Variants in EEA1 observed in about 807,000 individuals in gnomAD.
EEA1 encodes the protein early endosome antigen 1, also known as early endosome antigen 1, 162kD.
A neutral mutation model predicts 209.2 loss-of-function variants in EEA1; 111 were observed. The observed-to-expected ratio is 0.53, with a 90% CI of 0.45 to 0.62. EEA1 has a LOEUF of 0.62. Ranked by LOEUF, EEA1 falls within the 20% of genes least tolerant of loss-of-function variation. The pLI is 0.00. For missense variants in EEA1, 1,343 were observed against 1,530.8 expected (o/e 0.88, Z 2.05); for synonymous variants, 536 against 540.6 (o/e 0.99, Z 0.12).
chr12:92,902,207 A>G (rs892273735), intron 1 of EEA1, among the ~76,000 whole-genome samples: 8 of 152,172 alleles, frequency 5.3e-5, no homozygotes, highest in Admixed American at 3.9e-4. Flanking sequence ...AAAAAAAAGA[A>G]TTTCAAATAT....
At chr12:92,792,719 C>T (rs1248649981) in intron 21 of EEA1, among the ~76,000 whole-genome samples, 1 of 152,114 alleles carries the variant, frequency 6.6e-6, no homozygotes, top group Non-Finnish European at 1.5e-5. Flanking sequence ...GGAGCTGGTA[C>T]CATTCCTTTT....
Position 92,772,325 on chromosome 12 carries a change from T to C in EEA1, c.*3686A>G, listed in dbSNP as rs1295201702. 1 of 151,930 alleles carries C rather than the reference T, an allele frequency of 6.6e-6. No homozygotes were observed. Among genetic ancestry groups the C allele is most frequent in the Admixed American group, 6.6e-5 (1 of 15,234 alleles). The allele number at this position is 151,930 out of a possible 1,614,324, so 9.4% of individuals were successfully genotyped here. A position where few individuals can be genotyped will look rare whatever the true frequency, so the allele number is the denominator to read the frequency against. ...ATTAAATGGAATGTCTAAGGCAAAA[T>C]GGCATTAATAATTTCTCTTGAGATC... On this transcript the variant is annotated 3_prime_UTR_variant, in exon 29 of 29. Coordinates refer to ENST00000322349, the MANE Select transcript of EEA1 (RefSeq NM_003566.4).
chr12:92,870,695 G>A (rs1228270485), intron 2 of EEA1, among the ~76,000 whole-genome samples: 1 of 151,602 alleles, frequency 6.6e-6, no homozygotes, highest in Non-Finnish European at 1.5e-5. Context: ...GGGCAGGGAC[G>A]GGACAGAGTC....
chr12:92,843,929 C>G (rs1311752938), intron 9 of EEA1, among the ~76,000 whole-genome samples: 1 of 151,990 alleles, frequency 6.6e-6, no homozygotes. Context: ...GGCTGATCTT[C>G]TTTTGGAAAC....
At chr12:92,880,516 C>G (rs1565847749) in intron 2 of EEA1, among the ~76,000 whole-genome samples, 1 of 151,792 alleles carries the variant, frequency 6.6e-6, no homozygotes, top group African/African-American at 2.4e-5. Context: ...ACTCTGTCGC[C>G]CAAGCTGGAG....
rs1431558402 is a variant in EEA1, at chr12:92,775,677, ATTC to A, written c.*331_*333del. On this transcript the variant is annotated 3_prime_UTR_variant, in exon 29 of 29. Coordinates refer to ENST00000322349, the MANE Select transcript of EEA1 (RefSeq NM_003566.4). ...AGAAAGAAGTAAGCTATGGAATTGC[ATTC>A]TTCATTTGTGAATAATGAAATTATA... The A allele has an allele frequency of 5.6e-6, 1 of 177,488 alleles. No homozygotes were observed. Among genetic ancestry groups the A allele is most frequent in the Admixed American group, 6.2e-5 (1 of 16,010 alleles). 11.0% of individuals were successfully genotyped at this position (177,488 alleles called of 1,614,324 possible).
chr12:92,916,747 T>C (rs894859591), intron 1 of EEA1, among the ~76,000 whole-genome samples: 2 of 127,880 alleles, frequency 1.6e-5, no homozygotes, highest in African/African-American at 6.6e-5. Context: ...GGATGGAGAA[T>C]GACTTTGACG....
intron 1 of EEA1, among the ~76,000 whole-genome samples, chr12:92,900,592 G>A (rs544682344): frequency 9.9e-5 from 15 of 151,340 alleles, no homozygotes; most frequent in Non-Finnish European, 2.1e-4. Context: ...ATACACTCAT[G>A]GATGTGGCAA....
intron 1 of EEA1, among the ~76,000 whole-genome samples, chr12:92,912,531 G>T (rs373965909): frequency 2.6e-5 from 4 of 152,162 alleles, no homozygotes; most frequent in Admixed American, 6.5e-5. Context: ...ATGACTGAAG[G>T]TACCTTAGAT....
chr12:92,778,079 G>C lies in EEA1; in HGVS notation c.3755C>G (p.Thr1252Ser). The C allele has an allele frequency of 1.2e-6, 2 of 1,613,354 alleles. No individual in the cohort carries two copies. The highest frequency in any genetic ancestry group is 1.7e-6 in the Non-Finnish European group (2 of 1,179,536). ...ACTAGATTGCCACTCCTTCTTCACA[G>C]TGCCTAAGTTTTCATTTAATGCTGT... ...QITALNENLG[T>S]VKKEWQSSQR... is the part of the protein sequence containing the mutation. The change falls in exon 26 of 29, where the codon ACT becomes AGT. Residue 1252 changes from threonine (T) to serine (S), a missense_variant. Physicochemically the swap from Thr to Ser is moderately conservative, Grantham distance 58. Around this residue, in one of 3 missense-constraint regions of EEA1, gnomAD observed 1,307 missense variants for 1,465.5 expected, o/e 0.89. Coordinates refer to ENST00000322349, the MANE Select transcript of EEA1 (RefSeq NM_003566.4).
rs149846575 is a variant in EEA1, at chr12:92,811,167, C to T, written c.2199+112G>A. 522 of 742,340 alleles carry T rather than the reference C, an allele frequency of 7.0e-4. 3 individuals are homozygous for T. The African/African-American group carries it at 8.2e-3, about 12-fold the overall frequency. The allele number at this position is 742,340 out of a possible 1,614,324, so 46.0% of individuals were successfully genotyped here. ...AAGCAATTTTTTAAAAATTTTATAC[C>T]ACAACTTCACCTTTCTTTGTTAACT... is the stretch of plus-strand genomic sequence containing the variant. On this transcript the variant is annotated intron_variant, in intron 17 of 28. Transcript: ENST00000322349.
At chr12:92,819,848 A>G (rs1319633420) in intron 13 of EEA1, among the ~76,000 whole-genome samples, 1 of 152,044 alleles carries the variant, frequency 6.6e-6, no homozygotes, top group Non-Finnish European at 1.5e-5. Flanking sequence ...TCCCACTTCA[A>G]AGCCTTAGTG....
chr12:92,780,164 C>T, intron 24 of EEA1, 116 bp downstream of exon 24: 1 of 1,107,546 alleles, frequency 9.0e-7, no homozygotes, highest in Non-Finnish European at 1.3e-6. Flanking sequence ...AACAACAGAA[C>T]AATTTGCCTA....
Position 92,843,311 on chromosome 12 carries a change from A to G in EEA1, c.799-730T>C, listed in dbSNP as rs148114271. On this transcript the variant is annotated intron_variant, in intron 9 of 28. Transcript: ENST00000322349. ...GTAGCTAGGGCTACAGGTGTGTGCC[A>G]TCACGCCCAGCTAATTTTTTTATTT... Among the ~76,000 whole-genome samples the G allele has an allele frequency of 3.6e-3, 548 of 152,188 alleles. 2 individuals are homozygous for G. Among genetic ancestry groups the G allele is most frequent in the African/African-American group, 0.013 (526 of 41,530 alleles).
chr12:92,900,948 C>T (rs1038730882), intron 1 of EEA1, among the ~76,000 whole-genome samples: 3 of 151,594 alleles, frequency 2.0e-5, no homozygotes, highest in East Asian at 2.0e-4. Context: ...GGATTACAGG[C>T]GCGAGCCAAC....
chr12:92,929,026 C>A lies in EEA1; in HGVS notation c.24+17G>T, dbSNP rs1269749229. ...TCCCGCTCACGTGCTGCCAGAAAGA[C>A]GGTTTCACTCTCTTACCCTCTGTAA... On this transcript the variant is annotated intron_variant, in intron 1 of 28. Transcript: ENST00000322349. 2 of 1,588,238 alleles carry A rather than the reference C, an allele frequency of 1.3e-6. No individual in the cohort carries two copies. Among genetic ancestry groups the A allele is most frequent in the African/African-American group, 2.8e-5 (2 of 72,466 alleles).
Position 92,785,739 on chromosome 12 carries a change from A to C in EEA1, c.3150+2128T>G, listed in dbSNP as rs546902881. On this transcript the variant is annotated intron_variant, in intron 22 of 28. Transcript: ENST00000322349. ...ACAGCAGTAGGCCTGTCTTCTCTGCAAAAGGAAGCACTGGGCCTGCTCTCT... is the reference window on the plus strand; with the variant it reads ...ACAGCAGTAGGCCTGTCTTCTCTGCCAAAGGAAGCACTGGGCCTGCTCTCT... Among the ~76,000 whole-genome samples the C allele has an allele frequency of 2.6e-5, 4 of 152,324 alleles. No individual in the cohort carries two copies. The South Asian group carries it at 8.3e-4, about 32-fold the overall frequency.
At chr12:92,790,595 A>G (rs564253849) in intron 21 of EEA1, among the ~76,000 whole-genome samples, 16 of 152,286 alleles carry the variant, frequency 1.1e-4, no homozygotes, top group Admixed American at 3.9e-4. Flanking sequence ...AAAGAAATGA[A>G]CAAAGCCTCC....
rs1876400883 is a variant in EEA1, at chr12:92,828,028, G to A, written c.1288C>T (p.Leu430=). The change falls in exon 12 of 29, where the codon CTA becomes TTA. Residue 430 remains leucine (L), a synonymous_variant. Transcript: ENST00000322349. ...HSKLLETERQ[L]GEAHGRLKEQ... ...TTCAGCCTACCATGAGCTTCCCCTA[G>A]TTGGCGCTCTGTCTCCAGAAGTTTG... 1 of 1,583,748 alleles carries A rather than the reference G, an allele frequency of 6.3e-7. No homozygotes were observed. The highest frequency in any genetic ancestry group is 8.6e-7 in the Non-Finnish European group (1 of 1,168,144).
Sources: allele counts gnomAD v4.1 joint callset (sites outside exome capture counted in the v4.1 genomes callset), GRCh38; gene constraint gnomAD v4.1.1; regional missense constraint gnomAD v4.1.1; transcripts MANE v1.5; gene names NCBI Gene and HGNC (gene_info 2026-07-23, HGNC 2026-07-21).